Variants in ATMIN observed in about 807,000 individuals in gnomAD.
ATMIN encodes the protein ATM INteracting protein.
A neutral mutation model predicts 49.2 loss-of-function variants in ATMIN; 24 were observed. The observed-to-expected ratio is 0.49, with a 90% CI of 0.35 to 0.69. The LOEUF is 0.69. Among genes scored for constraint, ATMIN ranks in the 30% least tolerant of loss-of-function variants. ATMIN has a pLI of 0.00. For synonymous variants in ATMIN, 450 were observed against 392.5 expected, an observed-to-expected ratio of 1.15 and a Z score of -1.73; for missense variants, 1,037 against 1,005.5, an observed-to-expected ratio of 1.03 and a Z score of -0.42.
intron 2 of ATMIN, 197 bp downstream of exon 2, chr16:81,041,678 C>A: frequency 1.7e-6 from 1 of 579,150 alleles, no homozygotes. Context: ...GGGAATATGT[C>A]TAGAACTGAG....
Position 81,043,525 on chromosome 16 carries a change from T to C in ATMIN, c.1027T>C (p.Leu343=), listed in dbSNP as rs200444161. The change falls in exon 4 of 4, where the codon TTA becomes CTA. Residue 343 remains leucine (L), a synonymous_variant. Coordinates refer to ENST00000299575, the MANE Select transcript of ATMIN (RefSeq NM_015251.3). The part of the protein sequence containing the change: ...DQGSATGAVH[L]MPLSVGTLIL... The stretch of plus-strand genomic sequence containing the variant: ...GGGCTCTGCCACAGGGGCTGTGCAC[T>C]TAATGCCCTTGTCAGTAGGAACCCT... The C allele has an allele frequency of 1.2e-6, 2 of 1,614,134 alleles. No homozygotes were observed. Among genetic ancestry groups the C allele is most frequent in the East Asian group, 2.2e-5 (1 of 44,878 alleles).
intron 1 of ATMIN, among the ~76,000 whole-genome samples, chr16:81,038,606 G>A (rs1970987000): frequency 6.6e-6 from 1 of 152,094 alleles, no homozygotes; most frequent in Non-Finnish European, 1.5e-5. Flanking sequence ...TGATGCAATA[G>A]CCATCTATAT....
chr16:81,040,812 T>C (rs1182594605), intron 1 of ATMIN: 2 of 155,292 alleles, frequency 1.3e-5, no homozygotes. Context: ...AAAGTATGAG[T>C]GAAAAAGAGA....
rs574156385 is a variant in ATMIN, at chr16:81,042,373, G to A, written c.555G>A (p.Glu185=). 1.1e-5 allele frequency: 18 copies of A among 1,614,134 alleles called. No individual in the cohort carries two copies. In the East Asian group the frequency reaches 3.1e-4, roughly 28 times the overall value. Reference sequence around the variant, plus strand: ...AATGGGACCTGAAAAGACATGCAGAGGACTGTGGCAAGACCTTCCGGTGCA... The same window carrying A: ...AATGGGACCTGAAAAGACATGCAGAAGACTGTGGCAAGACCTTCCGGTGCA... ...GTEWDLKRHA[E]DCGKTFRCTC... is the part of the protein sequence containing the mutation. Residue 185 remains glutamate (E), a synonymous_variant, in exon 3 of 4, where the codon GAG becomes GAA. Transcript: ENST00000299575.
chr16:81,041,105 G>T, intron 1 of ATMIN: 4 of 375,634 alleles, frequency 1.1e-5, no homozygotes, highest in South Asian at 5.7e-5. Flanking sequence ...CATCTCCCTG[G>T]AATGTAAATT....
At position 81,043,949 on chromosome 16, in the gene ATMIN, T is replaced by G. The variant is rs758023970; in HGVS notation, c.1451T>G (p.Phe484Cys). Residue 484 changes from phenylalanine (F) to cysteine (C), a missense_variant, in exon 4 of 4, where the codon TTC becomes TGC. Coordinates refer to ENST00000299575, the MANE Select transcript of ATMIN (RefSeq NM_015251.3). ...AQTDAFMDTC[F>C]QSGGVSRETQ... ...ACTGATGCATTTATGGACACCTGTTTCCAGTCAGGTGGGGTCTCCAGAGAA... is the reference window on the plus strand; with the variant it reads ...ACTGATGCATTTATGGACACCTGTTGCCAGTCAGGTGGGGTCTCCAGAGAA... The G allele has an allele frequency of 1.9e-6, 3 of 1,614,234 alleles. No individual in the cohort carries two copies. In the South Asian group the frequency reaches 3.3e-5, roughly 18 times the overall value.
At position 81,044,861 on chromosome 16, in the gene ATMIN, C is replaced by T; in HGVS notation, c.2363C>T (p.Ala788Val). 3 of 1,614,196 alleles carry T rather than the reference C, an allele frequency of 1.9e-6. No individual in the cohort carries two copies. The highest frequency in any genetic ancestry group is 2.5e-6 in the Non-Finnish European group (3 of 1,180,030). Reference sequence around the variant, plus strand: ...TTCACCAGCAACGAAACTCAGACAGCAATGGATGACTTTCTTCTGGCTGAT... The same window carrying T: ...TTCACCAGCAACGAAACTCAGACAGTAATGGATGACTTTCTTCTGGCTGAT... Reference protein sequence around the residue: ...LFFTSNETQTAMDDFLLADLA... With the variant: ...LFFTSNETQTVMDDFLLADLA... The change falls in exon 4 of 4, where the codon GCA (alanine) becomes GTA (valine). Residue 788 changes from alanine to valine, a missense_variant. Coordinates refer to ENST00000299575, the MANE Select transcript of ATMIN (RefSeq NM_015251.3).
chr16:81,037,521 A>G, intron 1 of ATMIN: 4 of 984,394 alleles, frequency 4.1e-6, no homozygotes, highest in Non-Finnish European at 4.8e-6. Context: ...TGTTGGACTG[A>G]AAAGCTCTGG....
At position 81,044,151 on chromosome 16, in the gene ATMIN, G is replaced by T. The variant is rs754683885; in HGVS notation, c.1653G>T (p.Glu551Asp). The change falls in exon 4 of 4, where the codon GAG (glutamate) becomes GAT (aspartate). Residue 551 changes from glutamate (E) to aspartate (D), a missense_variant. By Grantham distance (45) the Glu-to-Asp change is conservative (BLOSUM62 2). Coordinates refer to ENST00000299575, the MANE Select transcript of ATMIN (RefSeq NM_015251.3). ...TVTHSLLPQN[E>D]PKTLNQDIEK... is the part of the protein sequence containing the mutation. Reference sequence around the variant, plus strand: ...CTCATAGTTTGTTACCTCAGAATGAGCCTAAGACTTTAAATCAAGATATTG... The same window carrying T: ...CTCATAGTTTGTTACCTCAGAATGATCCTAAGACTTTAAATCAAGATATTG... 3 of 1,614,200 alleles carry T rather than the reference G, an allele frequency of 1.9e-6. No homozygotes were observed. Among genetic ancestry groups the T allele is most frequent in the Admixed American group, 1.7e-5 (1 of 60,024 alleles).
chr16:81,037,474 A>T (rs1769692906), intron 1 of ATMIN: 2 of 985,286 alleles, frequency 2.0e-6, no homozygotes, highest in Non-Finnish European at 2.4e-6. Context: ...AATGTACCTG[A>T]GGTATGCTGA....
chr16:81,041,536 G>T, intron 2 of ATMIN, 55 bp downstream of exon 2: 6 of 1,564,876 alleles, frequency 3.8e-6, no homozygotes, highest in Non-Finnish European at 5.2e-6. Context: ...TGTGCATTCT[G>T]ATTACTTAGC....
intron 1 of ATMIN, chr16:81,037,543 C>T (rs1343078478): frequency 6.3e-6 from 6 of 959,420 alleles, no homozygotes; most frequent in Non-Finnish European, 6.2e-6. Context: ...TTTCTTTCAG[C>T]ACTCAAGTGT....
chr16:81,039,998 G>A (rs1219850636), intron 1 of ATMIN, among the ~76,000 whole-genome samples: 1 of 152,118 alleles, frequency 6.6e-6, no homozygotes, highest in Non-Finnish European at 1.5e-5. Context: ...GTTTTTCCTA[G>A]TTTTTGCTAC....
chr16:81,044,383 G>C lies in ATMIN; in HGVS notation c.1885G>C (p.Ala629Pro). 6.2e-7 allele frequency: 1 copy of C among 1,614,068 alleles called. No individual in the cohort carries two copies. Among genetic ancestry groups the C allele is most frequent in the Non-Finnish European group, 8.5e-7 (1 of 1,179,988 alleles). ...GPDTQLPSGP[A>P]QNPGIDFDIE... ...TGACACCCAGCTCCCATCTGGCCCAGCCCAGAACCCCGGAATCGATTTTGA... is the reference window on the plus strand; with the variant it reads ...TGACACCCAGCTCCCATCTGGCCCACCCCAGAACCCCGGAATCGATTTTGA... Residue 629 changes from alanine to proline, a missense_variant, in exon 4 of 4, where the codon GCC (alanine) becomes CCC (proline). Physicochemically the swap from Ala to Pro is conservative, Grantham distance 27. Coordinates refer to ENST00000299575, the MANE Select transcript of ATMIN (RefSeq NM_015251.3).
intron 1 of ATMIN, chr16:81,041,039 G>T: frequency 3.6e-6 from 1 of 280,004 alleles, no homozygotes; most frequent in Non-Finnish European, 6.9e-6. Flanking sequence ...ATCTTGTAGT[G>T]ATCCTAATCC....
chr16:81,036,049 T>C lies in ATMIN; in HGVS notation c.179T>C (p.Val60Ala). 8.0e-7 allele frequency: 1 copy of C among 1,247,082 alleles called. No homozygotes were observed. Among genetic ancestry groups the C allele is most frequent in the East Asian group, 3.4e-5 (1 of 29,772 alleles). 77.3% of individuals were successfully genotyped at this position (1,247,082 alleles called of 1,614,324 possible). ...GCGGGGGCGACGCAGCAGCCCGCTG[T>C]CCCCGCGCCGCCGGCGGGGGAGCTG... is the stretch of plus-strand genomic sequence containing the variant. ...RPAGATQQPA[V>A]PAPPAGELIQ... is the part of the protein sequence containing the mutation. Residue 60 changes from valine (V) to alanine (A), a missense_variant, in exon 1 of 4, where the codon GTC becomes GCC. Physicochemically the swap from Val to Ala is moderately conservative, Grantham distance 64. Transcript: ENST00000299575.
chr16:81,043,129 A>G, intron 3 of ATMIN, 32 bp from the exon 4 acceptor site: 1 of 1,564,692 alleles, frequency 6.4e-7, no homozygotes, highest in South Asian at 1.2e-5. Flanking sequence ...TTGTATTTTA[A>G]GGTTTTCTTT....
chr16:81,041,574 G>A (rs1355001813), intron 2 of ATMIN, 93 bp downstream of exon 2: 2 of 1,481,780 alleles, frequency 1.3e-6, no homozygotes, highest in Admixed American at 2.3e-5. Flanking sequence ...TGAGTAGACA[G>A]CTGCTTGTGA....
Position 81,036,085 on chromosome 16 carries a change from C to A in ATMIN, c.215C>A (p.Ser72Ter). Residue 72 changes from serine (S) to a stop codon, truncating the protein, a stop_gained, in exon 1 of 4, where the codon TCG becomes TAG. Coordinates refer to ENST00000299575, the MANE Select transcript of ATMIN (RefSeq NM_015251.3). LOFTEE classifies it high-confidence loss of function. ...APPAGELIQP[S>*]VSELSRAVRT... ...CCGGCGGGGGAGCTGATCCAGCCGTCGGTGAGCGAGCTGTCCCGGGCCGTG... is the reference window on the plus strand; with the variant it reads ...CCGGCGGGGGAGCTGATCCAGCCGTAGGTGAGCGAGCTGTCCCGGGCCGTG... The A allele has an allele frequency of 7.4e-7, 1 of 1,348,028 alleles. No homozygotes were observed. The highest frequency in any genetic ancestry group is 9.6e-7 in the Non-Finnish European group (1 of 1,037,310). The allele number at this position is 1,348,028 out of a possible 1,614,324, so 83.5% of individuals were successfully genotyped here.
Sources: allele counts gnomAD v4.1 joint callset (sites outside exome capture counted in the v4.1 genomes callset), GRCh38; gene constraint gnomAD v4.1.1; transcripts MANE v1.5; gene names NCBI Gene and HGNC (gene_info 2026-07-23, HGNC 2026-07-21).